MAPT: variants seen among roughly 807,000 people sequenced by gnomAD.
The protein encoded by MAPT is microtubule associated protein tau.
MAPT carries 34 observed loss-of-function variants against 67.9 expected under a neutral mutation model. The ratio of observed to expected loss-of-function variants is 0.50; its 90% confidence interval spans 0.38 to 0.67. MAPT has a LOEUF of 0.67. MAPT is among the 30% of genes least tolerant of loss of function. The probability of loss-of-function intolerance (pLI) is 0.00; values close to 1 mark genes in which losing one functional copy is unlikely to be tolerated. For missense variants in MAPT, 881 were observed against 1,115.2 expected (o/e 0.79, Z 2.99); for synonymous variants, 456 against 464.5 (o/e 0.98, Z 0.23).
chr17:45,985,218 G>T (rs1366490757), intron 5 of MAPT, among the ~76,000 whole-genome samples: 1 of 152,086 alleles, frequency 6.6e-6, no homozygotes, highest in Non-Finnish European at 1.5e-5. Context: ...AGCAGGATAA[G>T]TGCTTGAACC....
At chr17:45,976,969 A>T (rs971778980) in intron 3 of MAPT, 2 of 152,398 alleles carry the variant, frequency 1.3e-5, no homozygotes, top group African/African-American at 4.8e-5. Context: ...CCTTGTCAGA[A>T]ACTCAGGCCG....
At chr17:46,003,156 GCT>G (rs1314992770) in intron 9 of MAPT, among the ~76,000 whole-genome samples, 2 of 151,492 alleles carry the variant, frequency 1.3e-5, no homozygotes, top group Admixed American at 6.6e-5. Flanking sequence ...CCCCAGCCTT[GCT>G]CTGTCTCTAC....
chr17:45,914,198 G>A (rs1300563354), intron 1 of MAPT, among the ~76,000 whole-genome samples: 1 of 152,258 alleles, frequency 6.6e-6, no homozygotes, highest in African/African-American at 2.4e-5. Flanking sequence ...CTGCTGCTCA[G>A]GGATCTGAGG....
chr17:45,984,011 A>G (rs2145662279), intron 5 of MAPT, 81 bp downstream of exon 5: 1 of 1,219,416 alleles, frequency 8.2e-7, no homozygotes, highest in Non-Finnish European at 1.1e-6. Flanking sequence ...CTGAGCTTCC[A>G]GGCCTCCCGA....
At chr17:46,008,949 C>T (rs572125695) in intron 9 of MAPT, among the ~76,000 whole-genome samples, 2 of 152,322 alleles carry the variant, frequency 1.3e-5, no homozygotes, top group South Asian at 2.1e-4. Context: ...CGCTTGTAAT[C>T]GGCTTTGGGA....
At position 45,906,524 on chromosome 17, in the gene MAPT, TG is replaced by T. The variant is rs1224595443; in HGVS notation, c.-18+11839del. On this transcript the variant is annotated intron_variant, in intron 1 of 12. Transcript: ENST00000262410. This position sits in a 1 kb window ranked among gnomAD's most constrained non-coding sequence, Gnocchi z 4.3. ...AATTGAACTGCTTGCACCTGGCATT[TG>T]AATTGAGCCAGAGCGGGGCTAAAGT... 6.6e-6 allele frequency among the ~76,000 whole-genome samples: 1 copy of T among 152,132 alleles called. No individual in the cohort carries two copies. Among genetic ancestry groups the T allele is most frequent in the Non-Finnish European group, 1.5e-5 (1 of 68,030 alleles).
chr17:45,945,076 C>T (rs759205830), intron 1 of MAPT, among the ~76,000 whole-genome samples: 7 of 152,172 alleles, frequency 4.6e-5, no homozygotes, highest in Non-Finnish European at 8.8e-5. Flanking sequence ...GTGGTTGGAG[C>T]GACTCCTCCT....
chr17:45,918,694 A>G (rs1265234313), intron 1 of MAPT, among the ~76,000 whole-genome samples: 1 of 152,216 alleles, frequency 6.6e-6, no homozygotes, highest in Non-Finnish European at 1.5e-5. Context: ...CTCTTAGTGT[A>G]TTAGTCTGTT....
At chr17:46,004,532 T>C (rs2075276280) in intron 9 of MAPT, among the ~76,000 whole-genome samples, 1 of 152,226 alleles carries the variant, frequency 6.6e-6, no homozygotes, top group South Asian at 2.1e-4. Flanking sequence ...GTGTAATATA[T>C]ATGTTACTGT....
chr17:45,989,491 A>G (rs1195916103), intron 6 of MAPT, among the ~76,000 whole-genome samples: 1 of 146,838 alleles, frequency 6.8e-6, no homozygotes, highest in Non-Finnish European at 1.6e-5. Flanking sequence ...TCTACTAAAA[A>G]TACAAAAAAA....
chr17:45,971,273 AT>A lies in MAPT; in HGVS notation c.134-584del, dbSNP rs1290124113. On this transcript the variant is annotated intron_variant, in intron 2 of 12. Transcript: ENST00000262410. This position sits in a 1 kb window ranked among gnomAD's most constrained non-coding sequence, Gnocchi z 4.3. ...CTTCCCATTCTGAAAGGACAGTTTT[AT>A]TGTAGGTACACATGGCTGCCATTTC... is the stretch of plus-strand genomic sequence containing the variant. 4.6e-5 allele frequency among the ~76,000 whole-genome samples: 7 copies of A among 152,182 alleles called. No homozygotes were observed. Among genetic ancestry groups the A allele is most frequent in the Non-Finnish European group, 7.3e-5 (5 of 68,028 alleles).
intron 1 of MAPT, among the ~76,000 whole-genome samples, chr17:45,904,314 CATATATAAT>C (rs1401534974): frequency 2.0e-4 from 6 of 30,662 alleles, no homozygotes; most frequent in Non-Finnish European, 4.6e-4. Flanking sequence ...TATATAAAAA[CATATATAAT>C]ATATATTATA....
chr17:45,970,957 G>T (rs62063298), intron 2 of MAPT, among the ~76,000 whole-genome samples: 22,006 of 152,242 alleles, frequency 0.14, 2,142 homozygotes, highest in Non-Finnish European at 0.22. Flanking sequence ...CTAGCACTCA[G>T]CTCTGTATAC....
chr17:45,904,462 A>T (rs2143964314), intron 1 of MAPT, among the ~76,000 whole-genome samples: 1 of 137,814 alleles, frequency 7.3e-6, no homozygotes, highest in South Asian at 2.2e-4. Flanking sequence ...GCACTGTGGG[A>T]GGATCACTTG....
rs1046063948 is a variant in MAPT, at chr17:45,982,936, C to G, written c.357C>G (p.His119Gln). 5.7e-6 allele frequency: 8 copies of G among 1,400,062 alleles called. No homozygotes were observed. Among genetic ancestry groups the G allele is most frequent in the African/African-American group, 1.4e-5 (1 of 69,242 alleles). The allele number at this position is 1,400,062 out of a possible 1,614,324, so 86.7% of individuals were successfully genotyped here. ...ERPLANEISA[H>Q]VQPGPCGEAS... ...CCCTGGCCAATGAGATTAGCGCCCA[C>G]GTCCAGCCTGGACCCTGCGGAGAGG... The change falls in exon 5 of 13, where the codon CAC (histidine) becomes CAG (glutamine). Residue 119 changes from histidine to glutamine, a missense_variant. Physicochemically the swap from His to Gln is conservative, Grantham distance 24. Around this residue, in one of 6 missense-constraint regions of MAPT, gnomAD observed 687 missense variants for 766.1 expected, o/e 0.90. Coordinates refer to ENST00000262410, the MANE Select transcript of MAPT (RefSeq NM_001377265.1).
chr17:45,999,668 A>G lies in MAPT; in HGVS notation c.1998+3004A>G, dbSNP rs372801655. ...CAGGCGACCTCATGCCAAGTGTAGA[A>G]AGGGGCAGATGGGAGCCCCAGGTTA... On this transcript the variant is annotated intron_variant, in intron 9 of 12. Coordinates refer to ENST00000262410, the MANE Select transcript of MAPT (RefSeq NM_001377265.1). 1.1e-5 allele frequency: 17 copies of G among 1,586,280 alleles called. No homozygotes were observed. In the African/African-American group the frequency reaches 2.2e-4, roughly 20 times the overall value.
At chr17:45,984,625 CAAG>C (rs979847765) in intron 5 of MAPT, among the ~76,000 whole-genome samples, 8 of 152,350 alleles carry the variant, frequency 5.3e-5, no homozygotes, top group African/African-American at 1.7e-4. Flanking sequence ...GGCAGGAAGA[CAAG>C]GAGCAGACAC....
At position 45,996,737 on chromosome 17, in the gene MAPT, A is replaced by G; in HGVS notation, c.1998+73A>G. On this transcript the variant is annotated intron_variant, in intron 9 of 12. Coordinates refer to ENST00000262410, the MANE Select transcript of MAPT (RefSeq NM_001377265.1). The surrounding 1 kb of genome is among the most constrained non-coding windows in gnomAD (Gnocchi z 4.5). ...GGGGTAGGGCTGTGCCTGGAAGGGTAGGGCTGCGCCTGGAGGTGCGCGGTT... is the reference window on the plus strand; with the variant it reads ...GGGGTAGGGCTGTGCCTGGAAGGGTGGGGCTGCGCCTGGAGGTGCGCGGTT... 1.3e-6 allele frequency: 2 copies of G among 1,579,328 alleles called. No individual in the cohort carries two copies. The highest frequency in any genetic ancestry group is 1.2e-5 in the South Asian group (1 of 86,016).
intron 1 of MAPT, among the ~76,000 whole-genome samples, chr17:45,934,878 T>A (rs1389169141): frequency 6.7e-6 from 1 of 148,276 alleles, no homozygotes; most frequent in African/African-American, 2.4e-5. Flanking sequence ...ATGGCCTTTT[T>A]GAGTTTCCCC....
Sources: allele counts gnomAD v4.1 joint callset (sites outside exome capture counted in the v4.1 genomes callset), GRCh38; gene constraint gnomAD v4.1.1; regional missense constraint gnomAD v4.1.1; non-coding constraint Gnocchi (gnomAD v3.1); transcripts MANE v1.5; gene names NCBI Gene and HGNC (gene_info 2026-07-23, HGNC 2026-07-21).